The following NUDCD3 variants were observed in gnomAD, a reference collection of about 807,000 sequenced individuals.
NUDCD3 encodes NudC domain containing 3.
A neutral mutation model predicts 39.7 loss-of-function variants in NUDCD3; 13 were observed. The ratio of observed to expected loss-of-function variants is 0.33; its 90% CI spans 0.21 to 0.52. The LOEUF (loss-of-function observed/expected upper bound fraction) is 0.52. NUDCD3 is among the 20% of genes least tolerant of loss of function. The pLI is 0.96. For synonymous variants in NUDCD3, 175 were observed against 172.4 expected, an observed-to-expected ratio of 1.02 and a Z score of -0.12; for missense variants, 453 against 458.1, an observed-to-expected ratio of 0.99 and a Z score of 0.10.
At chr7:44,449,344 G>C (rs1339315753) in intron 2 of NUDCD3, among the ~76,000 whole-genome samples, 1 of 152,212 alleles carries the variant, frequency 6.6e-6, no homozygotes, top group Admixed American at 6.5e-5. Context: ...GAAACCTAAA[G>C]ACAAACCACT....
chr7:44,479,049 C>T (rs73107418), intron 2 of NUDCD3, among the ~76,000 whole-genome samples: 8 of 152,066 alleles, frequency 5.3e-5, no homozygotes, highest in Non-Finnish European at 7.4e-5. Context: ...AGCAGGAAGA[C>T]GTGCCAAGCA....
intron 2 of NUDCD3, among the ~76,000 whole-genome samples, chr7:44,430,228 C>T (rs921403576): frequency 1.3e-5 from 2 of 152,076 alleles, no homozygotes; most frequent in Admixed American, 6.5e-5. Flanking sequence ...CCCTGCAGCC[C>T]CTGTACCCAG....
At chr7:44,397,143 C>T (rs1203196524) in intron 4 of NUDCD3, among the ~76,000 whole-genome samples, 3 of 152,150 alleles carry the variant, frequency 2.0e-5, no homozygotes, top group Non-Finnish European at 2.9e-5. Context: ...CCAGCATGTC[C>T]GTGTCCAGAA....
intron 2 of NUDCD3, among the ~76,000 whole-genome samples, chr7:44,459,203 CT>C (rs760120118): frequency 0.026 from 3,679 of 139,498 alleles, 105 homozygotes; most frequent in African/African-American, 0.084. Flanking sequence ...TTAATTTTTT[CT>C]TTTTTTTTTT....
At chr7:44,460,457 C>G (rs1043958894) in intron 2 of NUDCD3, among the ~76,000 whole-genome samples, 2 of 152,156 alleles carry the variant, frequency 1.3e-5, no homozygotes, top group Admixed American at 1.3e-4. Flanking sequence ...TGCTCTACTG[C>G]ATTAGCAGGA....
At chr7:44,464,075 G>A (rs938206019) in intron 2 of NUDCD3, among the ~76,000 whole-genome samples, 2 of 151,790 alleles carry the variant, frequency 1.3e-5, no homozygotes, top group Non-Finnish European at 2.9e-5. Context: ...TTAGCCAGGC[G>A]TGGTGGTGCA....
In NUDCD3 at chr7:44,490,452, C is replaced by A. The variant is rs867641636; in HGVS notation, c.149G>T (p.Arg50Leu). The A allele has an allele frequency of 7.5e-6, 12 of 1,594,540 alleles. No homozygotes were observed. The highest frequency in any genetic ancestry group is 1.4e-5 in the African/African-American group (1 of 73,822). The change falls in exon 1 of 6, where the codon CGC (arginine) becomes CTC (leucine). Residue 50 changes from arginine (R) to leucine (L), a missense_variant. Physicochemically the swap from Arg to Leu is moderately radical, Grantham distance 102. Transcript: ENST00000355451. ...FYRLLRHPSDRMGFPPGAAQA... is the reference protein window; with the variant it reads ...FYRLLRHPSDLMGFPPGAAQA... Reference sequence around the variant, plus strand: ...CGCGGCCCCGGGCGGGAAGCCCATGCGGTCCGATGGGTGGCGCAGCAAGCG... The same window carrying A: ...CGCGGCCCCGGGCGGGAAGCCCATGAGGTCCGATGGGTGGCGCAGCAAGCG...
At chr7:44,408,372 G>T (rs1433653307) in intron 3 of NUDCD3, among the ~76,000 whole-genome samples, 1 of 152,112 alleles carries the variant, frequency 6.6e-6, no homozygotes, top group Non-Finnish European at 1.5e-5. Context: ...CTATACAGCA[G>T]AACAGGAAAT....
chr7:44,437,905 C>T (rs966930482), intron 2 of NUDCD3, among the ~76,000 whole-genome samples: 18 of 152,236 alleles, frequency 1.2e-4, no homozygotes, highest in African/African-American at 4.1e-4. Context: ...ACTACTTTAA[C>T]TTAGTAAAAA....
chr7:44,414,691 A>G (rs1798987116), intron 3 of NUDCD3, among the ~76,000 whole-genome samples: 1 of 152,188 alleles, frequency 6.6e-6, no homozygotes. Context: ...TGCACTCAAA[A>G]ATTATGTAAA....
chr7:44,392,326 G>T lies in NUDCD3; in HGVS notation c.946C>A (p.Leu316Met). Residue 316 changes from leucine to methionine, a missense_variant, in exon 5 of 6, where the codon CTG becomes ATG. Leu to Met is a conservative substitution (Grantham distance 15). Transcript: ENST00000355451. ...DRLTFDYHQK[L>M]QGKPQSHELK... ...TCATGGCTCTGTGGCTTGCCCTGCA[G>T]CTTCTGGTGGTAGTCAAAGGTAAGC... 3.7e-6 allele frequency: 6 copies of T among 1,614,146 alleles called. No homozygotes were observed. Among genetic ancestry groups the T allele is most frequent in the Non-Finnish European group, 5.1e-6 (6 of 1,180,010 alleles).
At chr7:44,399,573 T>C (rs1245073357) in intron 4 of NUDCD3, among the ~76,000 whole-genome samples, 2 of 152,224 alleles carry the variant, frequency 1.3e-5, no homozygotes, top group Admixed American at 1.3e-4. Context: ...CTTCATTTTA[T>C]CCTCACAATT....
chr7:44,392,305 G>A lies in NUDCD3; in HGVS notation c.967C>T (p.His323Tyr). 1.2e-6 allele frequency: 2 copies of A among 1,614,002 alleles called. No homozygotes were observed. The highest frequency in any genetic ancestry group is 1.7e-6 in the Non-Finnish European group (2 of 1,179,918). ...HQKLQGKPQS[H>Y]ELKVHEMLKK... ...GACTGCCATGCTCGTACCAGCTCAT[G>A]GCTCTGTGGCTTGCCCTGCAGCTTC... Residue 323 changes from histidine (H) to tyrosine (Y), a missense_variant, in exon 5 of 6, where the codon CAT (histidine) becomes TAT (tyrosine). Transcript: ENST00000355451.
chr7:44,406,067 G>A (rs1319115439), intron 3 of NUDCD3, among the ~76,000 whole-genome samples: 1 of 152,158 alleles, frequency 6.6e-6, no homozygotes, highest in African/African-American at 2.4e-5. Flanking sequence ...CCAAAGTGCT[G>A]GGATGACACA....
chr7:44,430,570 TCACACACACACACACACACA>T (rs58853542), intron 2 of NUDCD3, among the ~76,000 whole-genome samples: 1 of 125,838 alleles, frequency 7.9e-6, no homozygotes, highest in African/African-American at 3.0e-5. Context: ...ACACACACAC[TCACACACACACACACACACA>T]CACACACACA....
intron 4 of NUDCD3, among the ~76,000 whole-genome samples, chr7:44,403,210 A>G (rs1446576582): frequency 6.6e-6 from 1 of 152,228 alleles, no homozygotes; most frequent in African/African-American, 2.4e-5. Flanking sequence ...ACTGCCATCT[A>G]CCACTGGCCA....
chr7:44,394,179 C>T (rs7791415), intron 4 of NUDCD3, among the ~76,000 whole-genome samples: 4,141 of 152,328 alleles, frequency 0.027, 71 homozygotes, highest in Non-Finnish European at 0.042. Flanking sequence ...CTGAAGCCAG[C>T]ATCCCAGAAA....
At position 44,405,343 on chromosome 7, in the gene NUDCD3, G is replaced by A. The variant is rs147780335; in HGVS notation, c.643-760C>T. Among the ~76,000 whole-genome samples the A allele has an allele frequency of 1.4e-4, 21 of 152,260 alleles. No individual in the cohort carries two copies. The East Asian group carries it at 2.9e-3, about 21-fold the overall frequency. On this transcript the variant is annotated intron_variant, in intron 3 of 5. Transcript: ENST00000355451. ...CCTATCCCTGCCCCACCACTTGTCC[G>A]TCTCCAGAACTGGACTGGCAGCTGT...
intron 2 of NUDCD3, chr7:44,471,646 A>G (rs971157081): frequency 4.6e-5 from 7 of 152,284 alleles, no homozygotes; most frequent in Admixed American, 4.6e-4. Context: ...GTTTACAGCC[A>G]CCACTCATAG....
Sources: allele counts gnomAD v4.1 joint callset (sites outside exome capture counted in the v4.1 genomes callset), GRCh38; gene constraint gnomAD v4.1.1; transcripts MANE v1.5; gene names NCBI Gene and HGNC (gene_info 2026-07-23, HGNC 2026-07-21).